NMRK1: variants seen among roughly 807,000 people sequenced by gnomAD.
The protein encoded by NMRK1 is NRK 1.
NMRK1 carries 28 observed loss-of-function variants against 29.9 expected under a neutral mutation model. That is an observed-to-expected ratio of 0.94 (90% confidence interval 0.69 to 1.28). NMRK1 has a LOEUF of 1.28. NMRK1 is among the 50% of genes most tolerant of loss of function. The pLI is 0.00. For missense variants in NMRK1, 218 were observed against 233.1 expected, an observed-to-expected ratio of 0.94 and a Z score of 0.42; for synonymous variants, 58 against 73.0, an observed-to-expected ratio of 0.79 and a Z score of 1.05.
At chr9:75,082,816 C>T (rs1057511228) in intron 2 of NMRK1, 26 of 468,972 alleles carry the variant, frequency 5.5e-5, no homozygotes, top group African/African-American at 5.0e-4. Context: ...AGTGCCCAAT[C>T]AGACCTTGTC....
At position 75,060,781 on chromosome 9, in the gene NMRK1, C is replaced by G. The variant is rs1194006493; in HGVS notation, c.*767G>C. 6.8e-6 allele frequency: 1 copy of G among 148,010 alleles called. No individual in the cohort carries two copies. The highest frequency in any genetic ancestry group is 1.5e-5 in the Non-Finnish European group (1 of 67,170). 9.2% of individuals were successfully genotyped at this position (148,010 alleles called of 1,614,324 possible). A position where few individuals can be genotyped will look rare whatever the true frequency, so the allele number is the denominator to read the frequency against. On this transcript the variant is annotated 3_prime_UTR_variant, in exon 9 of 9. Coordinates refer to ENST00000361092, the MANE Select transcript of NMRK1 (RefSeq NM_017881.3). ...GGTTTGACAAAAACAAAATGAACCA[C>G]GAGGGGGGAGAAAGAAACCAGAAAC...
intron 2 of NMRK1, among the ~76,000 whole-genome samples, chr9:75,080,444 G>T (rs1219597654): frequency 2.6e-5 from 4 of 152,160 alleles, no homozygotes; most frequent in Non-Finnish European, 5.9e-5. Context: ...CTGAGGTCAG[G>T]AGTTCAAGAC....
At position 75,084,022 on chromosome 9, in the gene NMRK1, C is replaced by T. The variant is rs114070522; in HGVS notation, c.-35-872G>A. Among the ~76,000 whole-genome samples, 1,106 of 152,290 alleles carry T rather than the reference C, an allele frequency of 7.3e-3. 12 individuals are homozygous for T. Among genetic ancestry groups the T allele is most frequent in the African/African-American group, 0.025 (1,043 of 41,546 alleles). ...CAGGCAGAGGGCCAAGTTAAGCCAC[C>T]GGCCACTGTTTTGTGGATTTTTGGT... On this transcript the variant is annotated intron_variant, in intron 1 of 8. Coordinates refer to ENST00000361092, the MANE Select transcript of NMRK1 (RefSeq NM_017881.3).
chr9:75,070,014 C>G lies in NMRK1; in HGVS notation c.198G>C (p.Met66Ile), dbSNP rs184820303. The stretch of plus-strand genomic sequence containing the variant: ...CCATCCAGCAGGAAATGGCTGACAT[C>G]ATTTTTTCCATGTTAAGTGCTTCAA... ...DVLEALNMEK[M>I]MSAISCWMES... The change falls in exon 5 of 9, where the codon ATG becomes ATC. Residue 66 changes from methionine (M) to isoleucine (I), a missense_variant. Coordinates refer to ENST00000361092, the MANE Select transcript of NMRK1 (RefSeq NM_017881.3). 27 of 1,613,498 alleles carry G rather than the reference C, an allele frequency of 1.7e-5. No homozygotes were observed. The African/African-American group carries it at 3.5e-4, about 21-fold the overall frequency.
chr9:75,063,291 G>T (rs1158645937), intron 8 of NMRK1, among the ~76,000 whole-genome samples: 2 of 105,870 alleles, frequency 1.9e-5, no homozygotes, highest in Admixed American at 2.6e-4. Flanking sequence ...GGGCGACAGA[G>T]CGAGACTCCA....
rs80292367 is a variant in NMRK1 at position 75,079,361 on chromosome 9, T to G, written c.30-1781A>C. Among the ~76,000 whole-genome samples, 1,459 of 152,312 alleles carry G rather than the reference T, an allele frequency of 9.6e-3. 36 individuals are homozygous for G. The highest frequency in any genetic ancestry group is 0.032 in the African/African-American group (1,349 of 41,566). On this transcript the variant is annotated intron_variant, in intron 2 of 8. Coordinates refer to ENST00000361092, the MANE Select transcript of NMRK1 (RefSeq NM_017881.3). ...TGTAAACCATACCAAATGTCCATAG[T>G]TTAGGTATTAAGTTTTGGTTTAAAT...
chr9:75,078,435 T>G, intron 2 of NMRK1: 2 of 1,539,832 alleles, frequency 1.3e-6, no homozygotes, highest in Non-Finnish European at 1.8e-6. Flanking sequence ...TATTTGTCTC[T>G]TCTGACCGGA....
In NMRK1 at chr9:75,069,738, T is replaced by C. The variant is rs749337080; in HGVS notation, c.389+4A>G. On this transcript the variant is annotated splice_donor_region_variant and intron_variant, in intron 6 of 8. Transcript: ENST00000361092. ...CAACTCACAAAGATGGCTTCAAAAC[T>C]TACCTCCTCCTCCTTTTACATTCTT... 1.2e-6 allele frequency: 2 copies of C among 1,608,644 alleles called. No homozygotes were observed. The highest frequency in any genetic ancestry group is 2.2e-5 in the South Asian group (2 of 89,976).
chr9:75,063,700 A>G (rs1279341485), intron 8 of NMRK1, among the ~76,000 whole-genome samples: 4 of 152,058 alleles, frequency 2.6e-5, no homozygotes, highest in East Asian at 1.9e-4. Flanking sequence ...GAGATGTGAG[A>G]AAAAAAACCC....
chr9:75,083,440 C>T (rs117415762), intron 1 of NMRK1, among the ~76,000 whole-genome samples: 1,603 of 152,322 alleles, frequency 0.011, 15 homozygotes, highest in Non-Finnish European at 0.017. Flanking sequence ...TAGGCCACAG[C>T]GTGGTATATG....
intron 8 of NMRK1, among the ~76,000 whole-genome samples, chr9:75,062,314 A>G (rs1239871553): frequency 6.7e-6 from 1 of 150,242 alleles, no homozygotes; most frequent in Non-Finnish European, 1.5e-5. Context: ...ATAATTTTAT[A>G]ATGAGATTAT....
intron 2 of NMRK1, among the ~76,000 whole-genome samples, chr9:75,081,062 G>A (rs1824293383): frequency 6.6e-6 from 1 of 152,130 alleles, no homozygotes; most frequent in Non-Finnish European, 1.5e-5. Context: ...TTACATTTGT[G>A]TTAAATTTCC....
At chr9:75,068,906 C>G in intron 7 of NMRK1, 90 bp downstream of exon 7, 1 of 840,660 alleles carries the variant, frequency 1.2e-6, no homozygotes, top group South Asian at 1.5e-5. Context: ...TTAAGCATCC[C>G]TTTATACTTT....
intron 2 of NMRK1, among the ~76,000 whole-genome samples, chr9:75,080,479 C>A (rs1474093620): frequency 1.3e-5 from 2 of 152,128 alleles, no homozygotes; most frequent in Non-Finnish European, 2.9e-5. Context: ...TGGTGAAACC[C>A]CACCTCTATT....
chr9:75,081,019 A>C (rs1466075391), intron 2 of NMRK1, among the ~76,000 whole-genome samples: 1 of 152,188 alleles, frequency 6.6e-6, no homozygotes, highest in Non-Finnish European at 1.5e-5. Context: ...TAGCAAGACA[A>C]ATGGACTAAC....
intron 7 of NMRK1, among the ~76,000 whole-genome samples, chr9:75,067,782 G>C (rs1302367351): frequency 6.6e-6 from 1 of 152,166 alleles, no homozygotes; most frequent in East Asian, 1.9e-4. Context: ...ATTGGCCCTG[G>C]GGGTACACTC....
intron 1 of NMRK1, among the ~76,000 whole-genome samples, chr9:75,083,791 G>A (rs1441405509): frequency 6.6e-6 from 1 of 152,156 alleles, no homozygotes; most frequent in Admixed American, 6.5e-5. Flanking sequence ...CACTATGTGG[G>A]CCAAGAGGCA....
chr9:75,063,862 T>C (rs1823184135), intron 8 of NMRK1, among the ~76,000 whole-genome samples: 1 of 152,152 alleles, frequency 6.6e-6, no homozygotes, highest in Admixed American at 6.5e-5. Context: ...GATAGGTTAC[T>C]AGAAATAAAA....
At chr9:75,075,268 C>T (rs1419606724) in intron 4 of NMRK1, among the ~76,000 whole-genome samples, 1 of 151,912 alleles carries the variant, frequency 6.6e-6, no homozygotes, top group African/African-American at 2.4e-5. Flanking sequence ...AATTCTTTTC[C>T]AATTGTTGAA....
Sources: gnomAD v4.1 joint callset for allele counts (sites outside exome capture counted in the v4.1 genomes callset) on GRCh38, gnomAD v4.1.1 for gene constraint, MANE v1.5 for transcripts, NCBI Gene and HGNC (gene_info 2026-07-23, HGNC 2026-07-21) for gene names.